FKBP7: variants seen among roughly 807,000 people sequenced by gnomAD.
The protein encoded by FKBP7 is FKBP prolyl isomerase 7, also known as peptidyl-prolyl cis-trans isomerase FKBP7.
FKBP7 carries 24 observed loss-of-function variants against 24.3 expected under a neutral mutation model. That is an observed-to-expected ratio of 0.99 (90% confidence interval 0.72 to 1.39). FKBP7 has a LOEUF of 1.39. Ranked by LOEUF, FKBP7 falls within the 40% of genes most tolerant of loss-of-function variation. The pLI, the probability that FKBP7 is intolerant of heterozygous loss-of-function variation, is 0.00. For synonymous variants in FKBP7, 98 were observed against 92.8 expected, an observed-to-expected ratio of 1.06 and a Z score of -0.32; for missense variants, 257 against 269.5, an observed-to-expected ratio of 0.95 and a Z score of 0.33.
chr2:178,478,546 C>T lies in FKBP7; in HGVS notation c.-47G>A. On this transcript the variant is annotated 5_prime_UTR_variant, in exon 1 of 4. Coordinates refer to ENST00000424785, the MANE Select transcript of FKBP7 (RefSeq NM_181342.3). The stretch of plus-strand genomic sequence containing the variant: ...CTCCCTCCCGCGTGTCACTCGCGCC[C>T]CGTGGATGTCCCGCGGCCGAGTTCC... 1.2e-6 allele frequency: 2 copies of T among 1,605,746 alleles called. No homozygotes were observed. The highest frequency in any genetic ancestry group is 4.5e-5 in the East Asian group (2 of 44,838).
In FKBP7 at chr2:178,465,061, A is replaced by G. The variant is rs1056166821; in HGVS notation, c.*709T>C. The G allele has an allele frequency of 2.6e-5, 4 of 152,206 alleles. No individual in the cohort carries two copies. The highest frequency in any genetic ancestry group is 9.7e-5 in the African/African-American group (4 of 41,448). 9.4% of individuals were successfully genotyped at this position (152,206 alleles called of 1,614,324 possible). A position where few individuals can be genotyped will look rare whatever the true frequency, so the allele number is the denominator to read the frequency against. On this transcript the variant is annotated 3_prime_UTR_variant, in exon 4 of 4. Transcript: ENST00000424785. Reference sequence around the variant, plus strand: ...AAGAGGGAAGAGGAGTTGCACATTTACAATAATGTCTGAAGGAATACAAAA... The same window carrying G: ...AAGAGGGAAGAGGAGTTGCACATTTGCAATAATGTCTGAAGGAATACAAAA...
intron 2 of FKBP7, among the ~76,000 whole-genome samples, chr2:178,475,622 G>C (rs2154127154): frequency 6.6e-6 from 1 of 152,192 alleles, no homozygotes; most frequent in South Asian, 2.1e-4. Flanking sequence ...TTGCCAAGTT[G>C]TTTTGTGTTT....
rs754245584 is a variant in FKBP7 at position 178,477,191 on chromosome 2, GGT to G, written c.242_243del (p.His81ProfsTer57). 61 of 1,610,064 alleles carry G rather than the reference GGT, an allele frequency of 3.8e-5. 2 individuals carry two copies. In the South Asian group the frequency reaches 6.6e-4, roughly 17 times the overall value. On this transcript the variant is annotated frameshift_variant, in exon 2 of 4. Coordinates refer to ENST00000424785, the MANE Select transcript of FKBP7 (RefSeq NM_181342.3). LOFTEE classifies it high-confidence loss of function. The part of the protein sequence containing the change: ...FYCSRTQNEG[H>X]PKWFVLGVGQ... Reference sequence around the variant, plus strand: ...CCAACACCAAGAACAAACCATTTGGGGTGGCCTTCATTTTGTGTCCGGCTATA... The same window carrying G: ...CCAACACCAAGAACAAACCATTTGGGGGCCTTCATTTTGTGTCCGGCTATA...
chr2:178,476,573 A>G (rs961651497), intron 2 of FKBP7, among the ~76,000 whole-genome samples: 9 of 152,142 alleles, frequency 5.9e-5, no homozygotes. Flanking sequence ...TACTCCAGGT[A>G]CCTCACATAA....
chr2:178,477,168 A>G lies in FKBP7; in HGVS notation c.267T>C (p.Val89=). The stretch of plus-strand genomic sequence containing the variant: ...TGTCTAGGCCTTTTATGACTTGCCC[A>G]ACACCAAGAACAAACCATTTGGGGT... The part of the protein sequence containing the change: ...EGHPKWFVLG[V]GQVIKGLDIA... The change falls in exon 2 of 4, where the codon GTT becomes GTC. Residue 89 remains valine (V), a synonymous_variant. Transcript: ENST00000424785. 6.2e-7 allele frequency: 1 copy of G among 1,613,130 alleles called. No individual in the cohort carries two copies. Among genetic ancestry groups the G allele is most frequent in the Non-Finnish European group, 8.5e-7 (1 of 1,179,710 alleles).
chr2:178,473,290 C>T (rs982551285), intron 2 of FKBP7: 2 of 383,744 alleles, frequency 5.2e-6, no homozygotes, highest in Non-Finnish European at 1.1e-5. Flanking sequence ...GATTACAATG[C>T]CTAATGTAAC....
chr2:178,478,339 T>C lies in FKBP7; in HGVS notation c.161A>G (p.Asp54Gly). The change falls in exon 1 of 4, where the codon GAC becomes GGC. Residue 54 changes from aspartate to glycine, a missense_variant. By Grantham distance (94) the Asp-to-Gly change is moderately conservative (BLOSUM62 -1). Coordinates refer to ENST00000424785, the MANE Select transcript of FKBP7 (RefSeq NM_181342.3). ...ENCSKTSKKG[D>G]LLNAHYDGYL... Reference sequence around the variant, plus strand: ...GCCGTCATAATGGGCATTTAGTAGGTCTCCCTTCTTGCTTGTCTTAGAGCA... The same window carrying C: ...GCCGTCATAATGGGCATTTAGTAGGCCTCCCTTCTTGCTTGTCTTAGAGCA... The C allele has an allele frequency of 6.2e-7, 1 of 1,614,128 alleles. No homozygotes were observed. Among genetic ancestry groups the C allele is most frequent in the Non-Finnish European group, 8.5e-7 (1 of 1,180,028 alleles).
intron 2 of FKBP7, among the ~76,000 whole-genome samples, chr2:178,474,384 T>C (rs1446861445): frequency 6.6e-6 from 1 of 152,246 alleles, no homozygotes; most frequent in African/African-American, 2.4e-5. Context: ...AAAATTTTAA[T>C]TTTGGAAAAA....
intron 2 of FKBP7, chr2:178,472,924 AACTAAAGT>A: frequency 2.9e-6 from 1 of 344,034 alleles, no homozygotes; most frequent in Non-Finnish European, 5.3e-6. Flanking sequence ...TTTTAAAAAA[AACTAAAGT>A]ATAAAAATGA....
At chr2:178,477,014 C>A in intron 2 of FKBP7, 48 bp downstream of exon 2, 2 of 1,376,206 alleles carry the variant, frequency 1.5e-6, no homozygotes, top group South Asian at 2.6e-5. Flanking sequence ...ATCTATTAAT[C>A]ATTTTTTAAA....
Position 178,477,097 on chromosome 2 carries a change from A to G in FKBP7, c.338T>C (p.Ile113Thr), listed in dbSNP as rs148421820. 278 of 1,612,646 alleles carry G rather than the reference A, an allele frequency of 1.7e-4. No homozygotes were observed. Among genetic ancestry groups the G allele is most frequent in the Non-Finnish European group, 2.1e-4 (250 of 1,179,512 alleles). ...MCPGEKRKVVIPPSFAYGKEG... is the reference protein window; with the variant it reads ...MCPGEKRKVVTPPSFAYGKEG... ...CTTTCCGTATGCAAATGAAGGGGGTATAACTACTTTTCGCTTTTCTCCAGG... is the reference window on the plus strand; with the variant it reads ...CTTTCCGTATGCAAATGAAGGGGGTGTAACTACTTTTCGCTTTTCTCCAGG... The change falls in exon 2 of 4, where the codon ATA (isoleucine) becomes ACA (threonine). Residue 113 changes from isoleucine to threonine, a missense_variant. Coordinates refer to ENST00000424785, the MANE Select transcript of FKBP7 (RefSeq NM_181342.3).
chr2:178,473,137 T>C (rs1684901707), intron 2 of FKBP7: 7 of 1,276,404 alleles, frequency 5.5e-6, no homozygotes, highest in Non-Finnish European at 7.3e-6. Flanking sequence ...CTTCTTCAAG[T>C]ACTACCTAAA....
Position 178,478,454 on chromosome 2 carries a change from A to C in FKBP7, c.46T>G (p.Tyr16Asp), listed in dbSNP as rs141588274. ...HFLFRFIVFF[Y>D]LWGLFTAQRQ... Reference sequence around the variant, plus strand: ...TGAGCAGTAAAAAGGCCCCACAGATAAAAGAAAACAATGAATCTGAATAAG... The same window carrying C: ...TGAGCAGTAAAAAGGCCCCACAGATCAAAGAAAACAATGAATCTGAATAAG... Residue 16 changes from tyrosine to aspartate, a missense_variant, in exon 1 of 4, where the codon TAT (tyrosine) becomes GAT (aspartate). Physicochemically the swap from Tyr to Asp is radical, Grantham distance 160. Transcript: ENST00000424785. 6.2e-7 allele frequency: 1 copy of C among 1,614,210 alleles called. No individual in the cohort carries two copies. Among genetic ancestry groups the C allele is most frequent in the Non-Finnish European group, 8.5e-7 (1 of 1,180,026 alleles).
chr2:178,465,690 A>G lies in FKBP7; in HGVS notation c.*80T>C. The G allele has an allele frequency of 7.6e-7, 1 of 1,311,266 alleles. No individual in the cohort carries two copies. Among genetic ancestry groups the G allele is most frequent in the Non-Finnish European group, 1.0e-6 (1 of 992,798 alleles). The allele number at this position is 1,311,266 out of a possible 1,614,324, so 81.2% of individuals were successfully genotyped here. A position where few individuals can be genotyped will look rare whatever the true frequency, so the allele number is the denominator to read the frequency against. Reference sequence around the variant, plus strand: ...TTCTCATAGGGGAAAAATAGCAAATACAACTTGGAGAAAAGTGACTTTGTT... The same window carrying G: ...TTCTCATAGGGGAAAAATAGCAAATGCAACTTGGAGAAAAGTGACTTTGTT... On this transcript the variant is annotated 3_prime_UTR_variant, in exon 4 of 4. Transcript: ENST00000424785.
rs1159857046 is a variant in FKBP7 at position 178,464,531 on chromosome 2, C to T, written c.*1239G>A. 6.6e-6 allele frequency: 1 copy of T among 152,188 alleles called. No individual in the cohort carries two copies. Among genetic ancestry groups the T allele is most frequent in the Non-Finnish European group, 1.5e-5 (1 of 68,044 alleles). The allele number at this position is 152,188 out of a possible 1,614,324, so 9.4% of individuals were successfully genotyped here. On this transcript the variant is annotated 3_prime_UTR_variant, in exon 4 of 4. Transcript: ENST00000424785. ...AACTACCAAACACTTATAAAACCATCAGATTGCATGAGAACAGCACGGGGA... is the reference window on the plus strand; with the variant it reads ...AACTACCAAACACTTATAAAACCATTAGATTGCATGAGAACAGCACGGGGA...
intron 2 of FKBP7, among the ~76,000 whole-genome samples, chr2:178,470,033 C>A (rs1160289758): frequency 2.6e-5 from 4 of 151,076 alleles, no homozygotes; most frequent in Non-Finnish European, 5.9e-5. Flanking sequence ...GTTTCCAAAC[C>A]AAGTCAATTC....
chr2:178,469,253 A>G (rs560922140), intron 3 of FKBP7, among the ~76,000 whole-genome samples: 18 of 152,296 alleles, frequency 1.2e-4, no homozygotes, highest in Admixed American at 1.0e-3. Flanking sequence ...CCTGTTTACC[A>G]ACTTTCTAGC....
chr2:178,475,290 C>T (rs953492810), intron 2 of FKBP7, among the ~76,000 whole-genome samples: 11 of 151,888 alleles, frequency 7.2e-5, no homozygotes, highest in African/African-American at 1.2e-4. Flanking sequence ...AGTGCAGTGG[C>T]GCAATCTTGG....
intron 3 of FKBP7, among the ~76,000 whole-genome samples, chr2:178,468,903 A>G (rs1367849978): frequency 6.7e-6 from 1 of 149,920 alleles, no homozygotes; most frequent in Admixed American, 6.7e-5. Flanking sequence ...GTCTCAGTCT[A>G]TCTTCCAGGC....
Sources: allele counts gnomAD v4.1 joint callset (sites outside exome capture counted in the v4.1 genomes callset), GRCh38; gene constraint gnomAD v4.1.1; transcripts MANE v1.5; gene names NCBI Gene and HGNC (gene_info 2026-07-23, HGNC 2026-07-21).